NT5DC3: variants seen among roughly 807,000 people sequenced by gnomAD.
NT5DC3 encodes the protein 5'-nucleotidase domain containing 3, also known as 5'-nucleotidase domain-containing protein 3.
Under a neutral mutation model 67.8 loss-of-function variants are expected in NT5DC3, and 42 were observed. The ratio of observed to expected loss-of-function variants is 0.62; its 90% CI spans 0.48 to 0.80. The LOEUF is 0.80. Among genes scored for constraint, NT5DC3 ranks in the 30% least tolerant of loss-of-function variants. NT5DC3 has a pLI of 0.00. For synonymous variants in NT5DC3, 237 were observed against 255.6 expected, an observed-to-expected ratio of 0.93 and a Z score of 0.69; for missense variants, 570 against 696.4, an observed-to-expected ratio of 0.82 and a Z score of 2.04.
At position 103,777,710 on chromosome 12, in the gene NT5DC3, A is replaced by G; in HGVS notation, c.*119T>C. 8.4e-7 allele frequency: 1 copy of G among 1,184,198 alleles called. No individual in the cohort carries two copies. The highest frequency in any genetic ancestry group is 1.2e-6 in the Non-Finnish European group (1 of 837,740). The allele number at this position is 1,184,198 out of a possible 1,614,324, so 73.4% of individuals were successfully genotyped here. A position where few individuals can be genotyped will look rare whatever the true frequency, so the allele number is the denominator to read the frequency against. On this transcript the variant is annotated 3_prime_UTR_variant, in exon 14 of 14. Coordinates refer to ENST00000392876, the MANE Select transcript of NT5DC3 (RefSeq NM_001031701.3). The stretch of plus-strand genomic sequence containing the variant: ...AGAATTATTCTCCGTAAGGTACAAA[A>G]TAAATATCAAAAGGCTTATCTGTAT...
chr12:103,749,030 G>A, the NT5DC3 span: 31 of 1,613,986 alleles, frequency 1.9e-5, no homozygotes, highest in Middle Eastern at 3.3e-4. Flanking sequence ...AGAAGGGCAC[G>A]AAGGTCTCCT....
the NT5DC3 span, among the ~76,000 whole-genome samples, chr12:103,762,794 C>T: frequency 2.0e-5 from 3 of 152,218 alleles, no homozygotes; most frequent in Admixed American, 6.5e-5. Flanking sequence ...AACTGGGGGA[C>T]AGGGCTAGGG....
At chr12:103,765,086 CAAAAAAAAAAAAAAA>C in the NT5DC3 span, among the ~76,000 whole-genome samples, 1 of 66,546 alleles carries the variant, frequency 1.5e-5, no homozygotes, top group Non-Finnish European at 2.8e-5. Context: ...GACTCTGTCT[CAAAAAAAAAAAAAAA>C]AAAAAAAAAA....
intron 1 of NT5DC3, among the ~76,000 whole-genome samples, chr12:103,834,838 A>C (rs1888077413): frequency 6.6e-6 from 1 of 152,208 alleles, no homozygotes; most frequent in Non-Finnish European, 1.5e-5. Flanking sequence ...GTTTGGATGA[A>C]AGAAACAGAT....
At chr12:103,765,188 A>T in the NT5DC3 span, among the ~76,000 whole-genome samples, 1 of 151,978 alleles carries the variant, frequency 6.6e-6, no homozygotes, top group South Asian at 2.1e-4. Context: ...TTTAAAAAGC[A>T]GAAACAAATG....
At chr12:103,762,252 C>T in the NT5DC3 span, 24 of 1,612,488 alleles carry the variant, frequency 1.5e-5, no homozygotes, top group Non-Finnish European at 2.0e-5. Context: ...AGAATGGGCC[C>T]CTTTCCTTTC....
At chr12:103,809,769 G>C (rs1361647425) in intron 2 of NT5DC3, among the ~76,000 whole-genome samples, 2 of 152,174 alleles carry the variant, frequency 1.3e-5, no homozygotes, top group Non-Finnish European at 2.9e-5. Context: ...TTCAAGATGA[G>C]ATTTGGGTGG....
At chr12:103,779,118 G>A (rs1173561456) in intron 13 of NT5DC3, among the ~76,000 whole-genome samples, 1 of 152,200 alleles carries the variant, frequency 6.6e-6, no homozygotes, top group Non-Finnish European at 1.5e-5. Context: ...CAAGTGCTCA[G>A]ATGGAGGAAT....
intron 2 of NT5DC3, among the ~76,000 whole-genome samples, chr12:103,813,753 G>A (rs764730507): frequency 6.6e-6 from 1 of 152,138 alleles, no homozygotes; most frequent in Non-Finnish European, 1.5e-5. Context: ...AAAGAAAAGA[G>A]GACAAATGAG....
chr12:103,787,341 T>C (rs1458232755), intron 11 of NT5DC3, 100 bp downstream of exon 11: 3 of 543,538 alleles, frequency 5.5e-6, no homozygotes, highest in Non-Finnish European at 6.2e-6. Flanking sequence ...ATAAAAGATA[T>C]ATTCTTAAAT....
chr12:103,754,945 C>CAA, the NT5DC3 span: 12,264 of 158,716 alleles, frequency 0.077, 1,136 homozygotes, highest in African/African-American at 0.24. Flanking sequence ...GACTCCACCT[C>CAA]AAAAAAAAAA....
At chr12:103,767,578 T>C (rs1324056222), downstream of NT5DC3, among the ~76,000 whole-genome samples, 2 of 152,210 alleles carry the variant, frequency 1.3e-5, no homozygotes. Flanking sequence ...AAAGAAGACA[T>C]GATAACTAAA....
intron 4 of NT5DC3, among the ~76,000 whole-genome samples, chr12:103,805,845 C>CAAA (rs34163004): frequency 3.5e-4 from 17 of 48,778 alleles, no homozygotes; most frequent in African/African-American, 5.5e-4. Context: ...GACTCCACCT[C>CAAA]AAAAAAAAAA....
chr12:103,805,727 T>C (rs1886769316), intron 4 of NT5DC3, among the ~76,000 whole-genome samples: 1 of 151,046 alleles, frequency 6.6e-6, no homozygotes, highest in Admixed American at 6.6e-5. Flanking sequence ...GTGCCTGTAG[T>C]CCCAGCTAAT....
chr12:103,768,456 T>C (rs1395660642), downstream of NT5DC3, among the ~76,000 whole-genome samples: 2 of 132,076 alleles, frequency 1.5e-5, no homozygotes, highest in Admixed American at 8.2e-5. Flanking sequence ...TTTGAAAAAA[T>C]TGTGTTATCA....
At chr12:103,783,892 T>C (rs1885659957) in intron 12 of NT5DC3, among the ~76,000 whole-genome samples, 1 of 152,050 alleles carries the variant, frequency 6.6e-6, no homozygotes, top group Admixed American at 6.6e-5. Flanking sequence ...CACAGAGATT[T>C]CACTGAGGGT....
intron 3 of NT5DC3, 137 bp downstream of exon 3, chr12:103,806,718 T>C: frequency 1.6e-6 from 1 of 619,248 alleles, no homozygotes; most frequent in Non-Finnish European, 2.9e-6. Flanking sequence ...TCCAAATATA[T>C]GTGAATAAAT....
the NT5DC3 span, chr12:103,761,320 T>C: frequency 1.2e-5 from 20 of 1,613,986 alleles, no homozygotes; most frequent in Non-Finnish European, 1.5e-5. Flanking sequence ...GGTTTGTTGA[T>C]GGAAGAGCCA....
chr12:103,833,987 C>T (rs568824363), intron 1 of NT5DC3, among the ~76,000 whole-genome samples: 1 of 152,276 alleles, frequency 6.6e-6, no homozygotes, highest in Admixed American at 6.5e-5. Flanking sequence ...GGATTCTCAA[C>T]CTTGGCACTA....
Sources: gnomAD v4.1 joint callset for allele counts (sites outside exome capture counted in the v4.1 genomes callset) on GRCh38, gnomAD v4.1.1 for gene constraint, MANE v1.5 for transcripts, NCBI Gene and HGNC (gene_info 2026-07-23, HGNC 2026-07-21) for gene names.